The following DEPDC4 variants were observed in gnomAD, a reference collection of about 807,000 sequenced individuals.
The protein encoded by DEPDC4 is DEP domain containing 4, also known as DEP domain-containing protein 4.
A neutral mutation model predicts 52.0 loss-of-function variants in DEPDC4; 52 were observed. The observed-to-expected ratio is 1.00, with a 90% confidence interval of 0.80 to 1.26. The LOEUF is 1.26. DEPDC4 is among the 50% of genes most tolerant of loss of function. The pLI, the probability that DEPDC4 is intolerant of heterozygous loss-of-function variation, is 0.00. For missense variants in DEPDC4, 530 were observed against 546.9 expected (o/e 0.97, Z 0.31); for synonymous variants, 201 against 196.8 (o/e 1.02, Z -0.18).
chr12:100,268,601 A>G (rs1255611338), upstream of DEPDC4, among the ~76,000 whole-genome samples: 1 of 152,228 alleles, frequency 6.6e-6, no homozygotes, highest in Non-Finnish European at 1.5e-5. Context: ...CATTACTCAC[A>G]TGCAGAAACC....
chr12:100,242,755 T>C lies in DEPDC4; in HGVS notation c.1454-186A>G, dbSNP rs528844461. Among the ~76,000 whole-genome samples, 4 of 152,342 alleles carry C rather than the reference T, an allele frequency of 2.6e-5. No individual in the cohort carries two copies. The South Asian group carries it at 8.3e-4, about 32-fold the overall frequency. On this transcript the variant is annotated intron_variant, in intron 8 of 9. Coordinates refer to ENST00000550587, the MANE Select transcript of DEPDC4 (RefSeq NM_001364818.2). ...TGATGTGCCAGTTTTAGCATACTTC[T>C]AGCATTTCTTCTTTCCCATCCTGAG...
upstream of DEPDC4, among the ~76,000 whole-genome samples, chr12:100,269,192 C>G (rs2096284395): frequency 6.6e-6 from 1 of 152,188 alleles, no homozygotes; most frequent in South Asian, 2.1e-4. Flanking sequence ...ATAGTCGGTC[C>G]CCTTTCCAAA....
At chr12:100,251,659 C>G (rs937263701) in intron 7 of DEPDC4, among the ~76,000 whole-genome samples, 3 of 152,048 alleles carry the variant, frequency 2.0e-5, no homozygotes, top group African/African-American at 7.2e-5. Flanking sequence ...CCTCCGCCTC[C>G]CAGGTTCAAG....
upstream of DEPDC4, among the ~76,000 whole-genome samples, chr12:100,271,926 C>T (rs981561033): frequency 6.6e-6 from 1 of 152,162 alleles, no homozygotes; most frequent in Admixed American, 6.5e-5. Context: ...ATCTAGAATT[C>T]ATGAGCAGGC....
In DEPDC4 at chr12:100,252,863, C is replaced by T. The variant is rs1354192625; in HGVS notation, c.1106-327G>A. Among the ~76,000 whole-genome samples, 6 of 152,328 alleles carry T rather than the reference C, an allele frequency of 3.9e-5. No homozygotes were observed. The East Asian group carries it at 1.2e-3, about 29-fold the overall frequency. ...CTAAAAGGTCATCAAATTAATAACT[C>T]AGAAGTTAGTATTTCTAGGTACCTC... On this transcript the variant is annotated intron_variant, in intron 5 of 9. Transcript: ENST00000550587.
the DEPDC4 span, among the ~76,000 whole-genome samples, chr12:100,275,324 A>C: frequency 1.5e-4 from 23 of 151,700 alleles, no homozygotes; most frequent in Admixed American, 1.5e-3. Flanking sequence ...ACCTCAGCCT[A>C]CTGAGTAGCT....
Position 100,244,093 on chromosome 12 carries a change from G to GTATATATATATATATA in DEPDC4, c.1454-1525_1454-1524insTATATATATATATATA, listed in dbSNP as rs775573664. ...TCCCTCTCTCTCTCTCTCTCTCTCT[G>GTATATATATATATATA]TGTATATATATATATATATATATAT... On this transcript the variant is annotated intron_variant, in intron 8 of 9. Transcript: ENST00000550587. 1.0e-3 allele frequency among the ~76,000 whole-genome samples: 91 copies of GTATATATATATATATA among 89,310 alleles called. 9 individuals carry two copies. The highest frequency in any genetic ancestry group is 1.7e-3 in the Admixed American group (12 of 7,250). The allele number at this position is 89,310 out of a possible 152,430, so 58.6% of individuals were successfully genotyped here.
the DEPDC4 span, among the ~76,000 whole-genome samples, chr12:100,278,522 T>A: frequency 6.6e-6 from 1 of 152,140 alleles, no homozygotes; most frequent in Non-Finnish European, 1.5e-5. Context: ...TTTTGAAAGT[T>A]TTTTCCCCAA....
downstream of DEPDC4, among the ~76,000 whole-genome samples, chr12:100,236,053 T>C (rs939639154): frequency 6.6e-6 from 1 of 152,128 alleles, no homozygotes; most frequent in Admixed American, 6.5e-5. Context: ...TAGTATTCCA[T>C]TGTATGCATA....
intron 8 of DEPDC4, among the ~76,000 whole-genome samples, chr12:100,247,201 G>GTTTTTTTTT (rs869121983): frequency 8.4e-5 from 6 of 71,698 alleles, no homozygotes; most frequent in Non-Finnish European, 1.2e-4. Flanking sequence ...TCCCCTTAGT[G>GTTTTTTTTT]TTTTTTTTTT....
downstream of DEPDC4, among the ~76,000 whole-genome samples, chr12:100,239,019 A>G (rs1055460983): frequency 6.6e-6 from 1 of 152,188 alleles, no homozygotes. Context: ...ACAGTTTCAG[A>G]AAGTGTATTG....
intron 3 of DEPDC4, among the ~76,000 whole-genome samples, chr12:100,259,543 T>C (rs1403669603): frequency 6.6e-6 from 1 of 152,258 alleles, no homozygotes; most frequent in Non-Finnish European, 1.5e-5. Flanking sequence ...ATTACATACC[T>C]CAACTCTGAA....
Position 100,241,847 on chromosome 12 carries a change from T to C in DEPDC4, c.*47-2A>G. 9.4e-7 allele frequency: 1 copy of C among 1,065,296 alleles called. No homozygotes were observed. The highest frequency in any genetic ancestry group is 2.1e-5 in the South Asian group (1 of 48,666). The allele number at this position is 1,065,296 out of a possible 1,614,324, so 66.0% of individuals were successfully genotyped here. A position where few individuals can be genotyped will look rare whatever the true frequency, so the allele number is the denominator to read the frequency against. On this transcript the variant is annotated splice_acceptor_variant, in intron 9 of 9. Coordinates refer to ENST00000550587, the MANE Select transcript of DEPDC4 (RefSeq NM_001364818.2). LOFTEE classifies it low-confidence loss of function (3UTR_SPLICE). ...TCAAGGGTTGGCAAAACGTAAAGCC[T>C]GGAAAAAAAAAAAAAAAACAAAAGA...
chr12:100,267,290 A>G, upstream of DEPDC4: 1 of 537,682 alleles, frequency 1.9e-6, no homozygotes, highest in Non-Finnish European at 3.3e-6. Flanking sequence ...GAGTAAAGCC[A>G]GAGTCAGTGG....
chr12:100,244,105 A>C (rs1199883783), intron 8 of DEPDC4, among the ~76,000 whole-genome samples: 1 of 64,440 alleles, frequency 1.6e-5, no homozygotes, highest in Non-Finnish European at 3.0e-5. Context: ...GTATATATAT[A>C]TATATATATA....
intron 8 of DEPDC4, among the ~76,000 whole-genome samples, chr12:100,245,417 C>A (rs1027609067): frequency 6.6e-6 from 1 of 152,158 alleles, no homozygotes; most frequent in African/African-American, 2.4e-5. Flanking sequence ...CAGGCACCCA[C>A]CACCATGCTG....
intron 6 of DEPDC4, 21 bp from the exon 7 acceptor site, chr12:100,252,322 A>G (rs978852549): frequency 2.0e-6 from 3 of 1,501,282 alleles, no homozygotes; most frequent in East Asian, 2.5e-5. Flanking sequence ...AAAGATTAAC[A>G]TTAGCATAAA....
At chr12:100,266,004 T>C (rs1413663180) in intron 1 of DEPDC4, among the ~76,000 whole-genome samples, 1 of 152,172 alleles carries the variant, frequency 6.6e-6, no homozygotes, top group Admixed American at 6.5e-5. Context: ...CATTGCATCA[T>C]TCCACAAAGA....
chr12:100,279,815 C>G, the DEPDC4 span, among the ~76,000 whole-genome samples: 12 of 152,314 alleles, frequency 7.9e-5, no homozygotes, highest in African/African-American at 2.2e-4. Context: ...TGATAGCTCT[C>G]TAGTTTGGTT....
Sources: gnomAD v4.1 joint callset for allele counts (sites outside exome capture counted in the v4.1 genomes callset) on GRCh38, gnomAD v4.1.1 for gene constraint, MANE v1.5 for transcripts, NCBI Gene and HGNC (gene_info 2026-07-23, HGNC 2026-07-21) for gene names.